The following USP36 variants were observed in gnomAD, a reference collection of about 807,000 sequenced individuals.
USP36 encodes ubiquitin specific peptidase 36.
In USP36, 59 loss-of-function variants were observed where a neutral mutation model predicts 111.5. The observed-to-expected ratio is 0.53, with a 90% CI of 0.43 to 0.66. The LOEUF is 0.66. Among genes scored for constraint, USP36 ranks in the 30% least tolerant of loss-of-function variants. The pLI is 0.00. For synonymous variants in USP36, 628 were observed against 581.0 expected (o/e 1.08, Z -1.16); for missense variants, 1,488 against 1,468.0 (o/e 1.01, Z -0.22).
At chr17:78,832,475 G>C (rs1390289432) in intron 4 of USP36, among the ~76,000 whole-genome samples, 1 of 152,238 alleles carries the variant, frequency 6.6e-6, no homozygotes, top group African/African-American at 2.4e-5. Flanking sequence ...CATGGGACCG[G>C]TATTGGAAGG....
rs75648773 is a variant in USP36, at chr17:78,812,375, T to C, written c.1407+485A>G. On this transcript the variant is annotated intron_variant, in intron 13 of 20. Coordinates refer to ENST00000449938, the MANE Select transcript of USP36 (RefSeq NM_001385174.1). The stretch of plus-strand genomic sequence containing the variant: ...ATGTCTCCTCTTTCTCTATAGCCAA[T>C]GTCAGCTGATGACCAGTTTAAGAAA... Among the ~76,000 whole-genome samples the C allele has an allele frequency of 6.4e-3, 971 of 152,254 alleles. 43 individuals are homozygous for C. The East Asian group carries it at 0.12, about 19-fold the overall frequency.
At chr17:78,823,396 G>A (rs1348731733) in intron 6 of USP36, among the ~76,000 whole-genome samples, 1 of 152,152 alleles carries the variant, frequency 6.6e-6, no homozygotes, top group Non-Finnish European at 1.5e-5. Flanking sequence ...CGCCCGCAGG[G>A]CCACAAGGAA....
intron 4 of USP36, among the ~76,000 whole-genome samples, chr17:78,831,384 G>A (rs372960800): frequency 3.3e-5 from 5 of 151,788 alleles, no homozygotes; most frequent in Admixed American, 1.3e-4. Flanking sequence ...AGGGTGAGGC[G>A]GGTGGAACAC....
chr17:78,811,028 C>T (rs1011939331), intron 13 of USP36, among the ~76,000 whole-genome samples: 5 of 150,648 alleles, frequency 3.3e-5, no homozygotes, highest in South Asian at 4.2e-4. Flanking sequence ...GCAGGAGAAT[C>T]GCTTGAACCC....
intron 11 of USP36, among the ~76,000 whole-genome samples, chr17:78,814,184 C>T (rs1222164293): frequency 6.6e-6 from 1 of 152,170 alleles, no homozygotes; most frequent in Non-Finnish European, 1.5e-5. Flanking sequence ...CCAGAAGCGG[C>T]TGCCTCTTCC....
At chr17:78,835,555 G>C in intron 3 of USP36, 54 bp from the exon 4 acceptor site, 1 of 1,529,324 alleles carries the variant, frequency 6.5e-7, no homozygotes, top group Non-Finnish European at 8.9e-7. Context: ...TCCACACACA[G>C]GTCGTCCACA....
Position 78,840,792 on chromosome 17 carries a change from C to T in USP36, c.-230G>A, listed in dbSNP as rs961746459. 6.6e-6 allele frequency: 1 copy of T among 152,426 alleles called. No individual in the cohort carries two copies. Among genetic ancestry groups the T allele is most frequent in the African/African-American group, 2.4e-5 (1 of 41,442 alleles). 9.4% of individuals were successfully genotyped at this position (152,426 alleles called of 1,614,324 possible). On this transcript the variant is annotated 5_prime_UTR_variant, in exon 1 of 21. Transcript: ENST00000449938. The stretch of plus-strand genomic sequence containing the variant: ...ACGCAGCCCTGGCGACTCCTTCGGC[C>T]CGCGGCCCAGCACGCGCACCATCCG...
intron 11 of USP36, 123 bp downstream of exon 11, chr17:78,814,289 T>G (rs1489889395): frequency 8.8e-6 from 12 of 1,362,520 alleles, no homozygotes; most frequent in African/African-American, 1.5e-5. Context: ...CAACGAGGAC[T>G]TGAATACAAC....
intron 3 of USP36, 30 bp from the exon 4 acceptor site, chr17:78,835,531 G>C (rs767443438): frequency 2.2e-5 from 35 of 1,562,188 alleles, no homozygotes; most frequent in Non-Finnish European, 3.0e-5. Flanking sequence ...GGGAAGAAAA[G>C]AGGAAGACGT....
chr17:78,833,625 T>C (rs1237720706), intron 4 of USP36, among the ~76,000 whole-genome samples: 1 of 152,198 alleles, frequency 6.6e-6, no homozygotes, highest in Non-Finnish European at 1.5e-5. Context: ...AAGCAAACCC[T>C]ACAGGCCAGG....
At chr17:78,812,606 C>T (rs999767311) in intron 13 of USP36, among the ~76,000 whole-genome samples, 2 of 142,048 alleles carry the variant, frequency 1.4e-5, no homozygotes, top group South Asian at 4.8e-4. Context: ...AGGAGAATGG[C>T]GGGAACCCGG....
chr17:78,829,920 T>C (rs545081498), intron 4 of USP36, among the ~76,000 whole-genome samples: 1 of 152,290 alleles, frequency 6.6e-6, no homozygotes, highest in East Asian at 1.9e-4. Context: ...TTTTGTATTT[T>C]AGTAGAGACA....
chr17:78,821,222 C>T lies in USP36; in HGVS notation c.758-161G>A, dbSNP rs182865910. ...CATCCTGGTGTCCGAACAGAGAGCT[C>T]TCTTTCACCACTGAAGTTCACAAAG... On this transcript the variant is annotated intron_variant, in intron 7 of 20. Transcript: ENST00000449938. The T allele has an allele frequency of 2.1e-3, 1,278 of 621,672 alleles. 11 individuals are homozygous for T. The highest frequency in any genetic ancestry group is 0.019 in the African/African-American group (1,030 of 53,698). The allele number at this position is 621,672 out of a possible 1,614,324, so 38.5% of individuals were successfully genotyped here. A position where few individuals can be genotyped will look rare whatever the true frequency, so the allele number is the denominator to read the frequency against.
intron 4 of USP36, among the ~76,000 whole-genome samples, chr17:78,829,434 G>A (rs891028496): frequency 9.9e-5 from 15 of 152,208 alleles, no homozygotes; most frequent in African/African-American, 3.6e-4. Context: ...AGGGCTGACA[G>A]CCCCTTAGTA....
At position 78,796,660 on chromosome 17, in the gene USP36, G is replaced by C. The variant is rs1816464402; in HGVS notation, c.*1240C>G. ...AGGAAGCAAAGCTGCCCCAGGGAGAGGGGGTGCAGACAGCGAGGCAGCCAC... is the reference window on the plus strand; with the variant it reads ...AGGAAGCAAAGCTGCCCCAGGGAGACGGGGTGCAGACAGCGAGGCAGCCAC... On this transcript the variant is annotated 3_prime_UTR_variant, in exon 21 of 21. Coordinates refer to ENST00000449938, the MANE Select transcript of USP36 (RefSeq NM_001385174.1). 1 of 152,320 alleles carries C rather than the reference G, an allele frequency of 6.6e-6. No individual in the cohort carries two copies. The highest frequency in any genetic ancestry group is 1.5e-5 in the Non-Finnish European group (1 of 68,080). 9.4% of individuals were successfully genotyped at this position (152,320 alleles called of 1,614,324 possible).
intron 2 of USP36, among the ~76,000 whole-genome samples, chr17:78,836,881 G>C (rs2068739497): frequency 1.3e-5 from 2 of 152,082 alleles, no homozygotes; most frequent in South Asian, 4.1e-4. Context: ...AGATGAGCAT[G>C]CATGTCTGTA....
At chr17:78,816,496 C>T (rs1177950377) in intron 10 of USP36, among the ~76,000 whole-genome samples, 1 of 151,900 alleles carries the variant, frequency 6.6e-6, no homozygotes, top group South Asian at 2.1e-4. Flanking sequence ...CATGGTGGCA[C>T]ACATTTGTGG....
intron 3 of USP36, among the ~76,000 whole-genome samples, chr17:78,788,671 A>C (rs1428530199): frequency 2.0e-5 from 3 of 152,096 alleles, no homozygotes; most frequent in Non-Finnish European, 4.4e-5. Flanking sequence ...GAAGGAAGGA[A>C]GGGCCAAGGA....
rs372564351 is a variant in USP36, at chr17:78,807,512, G to A, written c.1532C>T (p.Ser511Leu). 251 of 1,613,926 alleles carry A rather than the reference G, an allele frequency of 1.6e-4. No individual in the cohort carries two copies. The highest frequency in any genetic ancestry group is 1.2e-3 in the Admixed American group (72 of 59,972). Reference protein sequence around the residue: ...QNGCIPPKLPSGSPSPKLSQT... With the variant: ...QNGCIPPKLPLGSPSPKLSQT... ...GGAGAGTTTGGGGGAAGGGGACCCC[G>A]AGGGCAGCTTTGGAGGAATGCAGCC... Residue 511 changes from serine (S) to leucine (L), a missense_variant, in exon 14 of 21, where the codon TCG (serine) becomes TTG (leucine). By Grantham distance (145) the Ser-to-Leu change is moderately radical. This residue lies in a region of USP36 where 1,073 missense variants were observed against 994.1 expected (regional missense o/e 1.08). Coordinates refer to ENST00000449938, the MANE Select transcript of USP36 (RefSeq NM_001385174.1).
Sources: gnomAD v4.1 joint callset for allele counts (sites outside exome capture counted in the v4.1 genomes callset) on GRCh38, gnomAD v4.1.1 for gene constraint, gnomAD v4.1.1 regional missense constraint, MANE v1.5 for transcripts, NCBI Gene and HGNC (gene_info 2026-07-23, HGNC 2026-07-21) for gene names.